SLC9A7: variants seen among roughly 807,000 people sequenced by gnomAD.
SLC9A7 encodes the protein solute carrier family 9 member A7.
A neutral mutation model predicts 52.6 loss-of-function variants in SLC9A7; 19 were observed. That is an observed-to-expected ratio of 0.36 (90% CI 0.25 to 0.53). SLC9A7 has a LOEUF of 0.53. Among genes scored for constraint, SLC9A7 ranks in the 20% least tolerant of loss-of-function variants. The pLI is 0.91. For missense variants in SLC9A7, 455 were observed against 597.9 expected (o/e 0.76, Z 2.49); for synonymous variants, 226 against 252.1 (o/e 0.90, Z 0.98).
chrX:46,689,998 A>T (rs1944359554), intron 1 of SLC9A7, among the ~76,000 whole-genome samples: 1 of 111,724 alleles, frequency 9.0e-6, no homozygotes, highest in Non-Finnish European at 1.9e-5. Context: ...TATGTGCCAC[A>T]TTTTCTTTAT....
At chrX:46,628,531 C>A (rs1943173057) in intron 14 of SLC9A7, among the ~76,000 whole-genome samples, 1 of 112,452 alleles carries the variant, frequency 8.9e-6, no homozygotes, top group South Asian at 3.6e-4. Flanking sequence ...CCTTCCTTTT[C>A]CCACATGAGC....
chrX:46,735,464 G>C (rs1292247062), intron 1 of SLC9A7, among the ~76,000 whole-genome samples: 1 of 111,319 alleles, frequency 9.0e-6, no homozygotes, highest in Non-Finnish European at 1.9e-5. Flanking sequence ...TTTTACATAT[G>C]CTATAAACAC....
chrX:46,665,393 A>G (rs1943899521), intron 5 of SLC9A7, among the ~76,000 whole-genome samples: 1 of 109,908 alleles, frequency 9.1e-6, no homozygotes, highest in Admixed American at 9.8e-5. Flanking sequence ...ACTTGTGAGC[A>G]CTCAGTACAA....
chrX:46,660,082 T>C (rs1943786099), intron 7 of SLC9A7, among the ~76,000 whole-genome samples: 1 of 108,227 alleles, frequency 9.2e-6, no homozygotes, highest in Non-Finnish European at 1.9e-5. Context: ...TACAACTATC[T>C]GATCTTTGAC....
intron 1 of SLC9A7, among the ~76,000 whole-genome samples, chrX:46,695,265 C>T (rs943480645): frequency 4.4e-5 from 5 of 112,507 alleles, no homozygotes; most frequent in Admixed American, 2.8e-4. Flanking sequence ...ATCGCATGTG[C>T]GATCCTTTTC....
chrX:46,732,363 C>A (rs1945056210), intron 1 of SLC9A7, among the ~76,000 whole-genome samples: 1 of 110,382 alleles, frequency 9.1e-6, no homozygotes, highest in Non-Finnish European at 1.9e-5. Context: ...AACAGCCTGG[C>A]CAACATGGTA....
At chrX:46,708,037 G>T (rs1468738108) in intron 1 of SLC9A7, among the ~76,000 whole-genome samples, 1 of 111,325 alleles carries the variant, frequency 9.0e-6, no homozygotes, top group Non-Finnish European at 1.9e-5. Flanking sequence ...CACTGCGCCC[G>T]GCCGACATGT....
intron 1 of SLC9A7, among the ~76,000 whole-genome samples, chrX:46,753,996 A>G (rs1367447483): frequency 9.3e-6 from 1 of 107,897 alleles, no homozygotes; most frequent in East Asian, 2.9e-4. Context: ...AAATAATAAT[A>G]ATAATAATAA....
At chrX:46,649,988 C>A (rs1943555605) in intron 10 of SLC9A7, among the ~76,000 whole-genome samples, 1 of 112,081 alleles carries the variant, frequency 8.9e-6, no homozygotes, top group African/African-American at 3.2e-5. Flanking sequence ...AAACACTGAT[C>A]TTGCAGATTT....
chrX:46,641,664 G>A (rs1472816760), intron 12 of SLC9A7, among the ~76,000 whole-genome samples: 2 of 111,691 alleles, frequency 1.8e-5, no homozygotes, highest in Non-Finnish European at 3.8e-5. Flanking sequence ...TCCAACCCTT[G>A]AGATTCATGC....
Position 46,613,406 on chromosome X carries a change from G to C in SLC9A7, c.1824-12C>G. 8.9e-7 allele frequency: 1 copy of C among 1,120,426 alleles called. No homozygotes were observed. Among genetic ancestry groups the C allele is most frequent in the Non-Finnish European group, 1.2e-6 (1 of 826,201 alleles). The allele number at this position is 1,120,426 out of a possible 1,213,427, so 92.3% of individuals were successfully genotyped here. On this transcript the variant is annotated splice_polypyrimidine_tract_variant and intron_variant, in intron 15 of 16. Transcript: ENST00000616978. Reference sequence around the variant, plus strand: ...TGGGCTTCAGGTAACTTTAAAATGTGAATTAAGGAAAAATGGCTGCAAAGA... The same window carrying C: ...TGGGCTTCAGGTAACTTTAAAATGTCAATTAAGGAAAAATGGCTGCAAAGA...
At chrX:46,669,134 C>T (rs10217961) in intron 5 of SLC9A7, among the ~76,000 whole-genome samples, 11,061 of 101,701 alleles carry the variant, frequency 0.11, 1,301 homozygotes, top group African/African-American at 0.34. Flanking sequence ...TGTCACTGCA[C>T]TCCAGCCTGG....
At chrX:46,668,575 G>C (rs955180427) in intron 5 of SLC9A7, among the ~76,000 whole-genome samples, 1 of 111,703 alleles carries the variant, frequency 9.0e-6, no homozygotes, top group Non-Finnish European at 1.9e-5. Flanking sequence ...AGCCTTAAAG[G>C]TTAGGAAATT....
intron 7 of SLC9A7, among the ~76,000 whole-genome samples, chrX:46,661,798 C>T (rs1943827445): frequency 8.9e-6 from 1 of 111,798 alleles, no homozygotes; most frequent in Admixed American, 9.6e-5. Flanking sequence ...GAAGACAGAG[C>T]GAAGTCTAGG....
Position 46,651,388 on chromosome X carries a change from A to G in SLC9A7, c.1164T>C (p.Leu388=), listed in dbSNP as rs148044888. The part of the protein sequence containing the change: ...ACGFTGVVAV[L]FCGITQAHYT... ...AATGAGCTTGTGTGATTCCACAGAA[A>G]AGGACAGCTACAACACCTGTTAAAA... The change falls in exon 9 of 17, where the codon CTT becomes CTC. Residue 388 remains leucine (L), a synonymous_variant. Transcript: ENST00000616978. 21 of 1,202,076 alleles carry G rather than the reference A, an allele frequency of 1.7e-5. No homozygotes were observed. Among genetic ancestry groups the G allele is most frequent in the Non-Finnish European group, 2.0e-5 (18 of 890,185 alleles).
chrX:46,725,249 A>G, intron 1 of SLC9A7: 1 of 1,105,448 alleles, frequency 9.0e-7, no homozygotes, highest in Non-Finnish European at 1.3e-6. Context: ...CCGGAATTGC[A>G]GGTGCAGATG....
chrX:46,654,722 C>T (rs890966507), intron 7 of SLC9A7, among the ~76,000 whole-genome samples: 6 of 110,995 alleles, frequency 5.4e-5, no homozygotes, highest in Non-Finnish European at 9.4e-5. Flanking sequence ...CTACCAGGTG[C>T]TGGTGTCACC....
intron 14 of SLC9A7, among the ~76,000 whole-genome samples, chrX:46,628,398 TTTTTG>T (rs1274424051): frequency 8.9e-6 from 1 of 112,244 alleles, no homozygotes; most frequent in Non-Finnish European, 1.9e-5. Flanking sequence ...TGTTTTTTGT[TTTTTG>T]TTTTTTTTGT....
chrX:46,703,783 T>C (rs896015632), intron 1 of SLC9A7, among the ~76,000 whole-genome samples: 1 of 111,614 alleles, frequency 9.0e-6, no homozygotes, highest in African/African-American at 3.3e-5. Context: ...AAAAGCAAGA[T>C]GAAAAACAAG....
Sources: gnomAD v4.1 joint callset for allele counts (sites outside exome capture counted in the v4.1 genomes callset) on GRCh38, gnomAD v4.1.1 for gene constraint, MANE v1.5 for transcripts, NCBI Gene and HGNC (gene_info 2026-07-23, HGNC 2026-07-21) for gene names.